The following ATP7B variants were observed in gnomAD, a reference collection of about 807,000 sequenced individuals.
The protein encoded by ATP7B is copper-transporting ATPase 2.
In ATP7B, 113 loss-of-function variants were observed where a neutral mutation model predicts 118.9. The observed-to-expected ratio is 0.95, with a 90% CI of 0.82 to 1.11. The LOEUF (loss-of-function observed/expected upper bound fraction) is 1.11, where lower values mean the gene tolerates loss of function less well. Ranked by LOEUF, ATP7B falls within the 50% of genes most tolerant of loss-of-function variation. ATP7B has a pLI of 0.00. For synonymous variants in ATP7B, 777 were observed against 727.4 expected (o/e 1.07, Z -1.10); for missense variants, 1,867 against 1,871.4 (o/e 1.00, Z 0.04).
At chr13:51,960,593 G>A (rs1006023185) in intron 6 of ATP7B, among the ~76,000 whole-genome samples, 2 of 152,146 alleles carry the variant, frequency 1.3e-5, no homozygotes, top group Non-Finnish European at 2.9e-5. Flanking sequence ...TCCAATTTAC[G>A]GGTGAGGCAA....
intron 1 of ATP7B, among the ~76,000 whole-genome samples, chr13:51,977,772 T>A (rs1454713807): frequency 6.6e-6 from 1 of 152,198 alleles, no homozygotes; most frequent in Non-Finnish European, 1.5e-5. Flanking sequence ...ACATGAGTAA[T>A]GCATTACTAT....
chr13:51,943,463 C>T (rs896857377), intron 14 of ATP7B, among the ~76,000 whole-genome samples: 6 of 152,288 alleles, frequency 3.9e-5, no homozygotes, highest in African/African-American at 1.2e-4. Flanking sequence ...TTTTTCAAGG[C>T]AATGATGTCA....
intron 1 of ATP7B, among the ~76,000 whole-genome samples, chr13:51,993,993 C>T (rs969078265): frequency 2.6e-5 from 4 of 152,088 alleles, no homozygotes; most frequent in East Asian, 1.9e-4. Flanking sequence ...CACCAGCACA[C>T]GTCATATCTC....
chr13:51,994,144 T>C (rs1446990483), intron 1 of ATP7B, among the ~76,000 whole-genome samples: 1 of 152,228 alleles, frequency 6.6e-6, no homozygotes, highest in Non-Finnish European at 1.5e-5. Context: ...CACCGTATAT[T>C]GTATAAACCG....
chr13:51,942,073 C>T (rs995389490), intron 15 of ATP7B, among the ~76,000 whole-genome samples: 1 of 152,120 alleles, frequency 6.6e-6, no homozygotes, highest in Non-Finnish European at 1.5e-5. Context: ...ACAGGAAGAA[C>T]GAAAGTGGAA....
intron 1 of ATP7B, among the ~76,000 whole-genome samples, chr13:51,979,327 G>C (rs1262126243): frequency 6.6e-6 from 1 of 152,166 alleles, no homozygotes; most frequent in Non-Finnish European, 1.5e-5. Flanking sequence ...ATGGATGCTT[G>C]TATAGGCATG....
chr13:51,966,672 C>T (rs1951563475), intron 4 of ATP7B: 4 of 1,256,398 alleles, frequency 3.2e-6, no homozygotes, highest in East Asian at 2.5e-5. Context: ...AAAAAAAGAA[C>T]ACTACAGACA....
chr13:51,940,105 C>T (rs571622870), intron 16 of ATP7B, among the ~76,000 whole-genome samples: 18 of 144,852 alleles, frequency 1.2e-4, no homozygotes, highest in Non-Finnish European at 1.5e-4. Context: ...CTCCAACTCC[C>T]GGGTTCAAGC....
At chr13:51,964,154 C>A (rs1958941697) in intron 5 of ATP7B, among the ~76,000 whole-genome samples, 1 of 151,658 alleles carries the variant, frequency 6.6e-6, no homozygotes, top group Non-Finnish European at 1.5e-5. Flanking sequence ...AGAGGAAATT[C>A]AGGATACTAC....
chr13:51,937,498 G>A lies in ATP7B; in HGVS notation c.3881C>T (p.Ala1294Val), dbSNP rs1290871433. Reference protein sequence around the residue: ...IGTGTDVAIEAADVVLIRNDL... With the variant: ...IGTGTDVAIEVADVVLIRNDL... ...CACTCTGATAAGGACGACGTCGGCT[G>A]CCTCGATGGCCACATCCGTGCCGGT... Residue 1294 changes from alanine (A) to valine (V), a missense_variant, in exon 18 of 21, where the codon GCA becomes GTA. Ala to Val is a moderately conservative substitution (Grantham distance 64). Transcript: ENST00000242839. The A allele has an allele frequency of 6.2e-7, 1 of 1,614,060 alleles. No homozygotes were observed. Among genetic ancestry groups the A allele is most frequent in the Admixed American group, 1.7e-5 (1 of 60,026 alleles).
At chr13:51,959,761 G>C (rs1411336224) in intron 7 of ATP7B, 4 of 275,964 alleles carry the variant, frequency 1.4e-5, no homozygotes, top group Non-Finnish European at 2.1e-5. Context: ...ACACTCAAGA[G>C]TGGCATGGGC....
At position 51,943,991 on chromosome 13, in the gene ATP7B, T is replaced by C. The variant is rs1256554813; in HGVS notation, c.3243+118A>G. On this transcript the variant is annotated intron_variant, in intron 14 of 20. Transcript: ENST00000242839. Reference sequence around the variant, plus strand: ...CTCCGCCTGCTGCAGAAGGGCCCTCTAAGTGGTTTTCCAGACCACACAGAG... The same window carrying C: ...CTCCGCCTGCTGCAGAAGGGCCCTCCAAGTGGTTTTCCAGACCACACAGAG... 4.5e-6 allele frequency: 6 copies of C among 1,328,262 alleles called. No homozygotes were observed. The African/African-American group carries it at 8.7e-5, about 19-fold the overall frequency. The allele number at this position is 1,328,262 out of a possible 1,614,324, so 82.3% of individuals were successfully genotyped here. A position where few individuals can be genotyped will look rare whatever the true frequency, so the allele number is the denominator to read the frequency against.
intron 2 of ATP7B, 100 bp downstream of exon 2, chr13:51,973,835 G>A (rs1383439985): frequency 6.5e-7 from 1 of 1,544,424 alleles, no homozygotes; most frequent in African/African-American, 1.4e-5. Flanking sequence ...GTTGACATGG[G>A]AGGCAGGGAG....
chr13:51,950,101 G>A lies in ATP7B; in HGVS notation c.2636C>T (p.Ala879Val). 1 of 1,614,222 alleles carries A rather than the reference G, an allele frequency of 6.2e-7. No homozygotes were observed. The highest frequency in any genetic ancestry group is 1.6e-4 in the Middle Eastern group (1 of 6,062). The part of the protein sequence containing the change: ...GSTVIAGSIN[A>V]HGSVLIKATH... ...AGCTTTAATGAGCACAGAGCCATGT[G>A]CATTTATAGACCCCGCAATTACAGT... Residue 879 changes from alanine (A) to valine (V), a missense_variant, in exon 11 of 21, where the codon GCA becomes GTA. Physicochemically the swap from Ala to Val is moderately conservative, Grantham distance 64. Coordinates refer to ENST00000242839, the MANE Select transcript of ATP7B (RefSeq NM_000053.4).
At chr13:51,957,179 T>G (rs1958403225) in intron 9 of ATP7B, among the ~76,000 whole-genome samples, 1 of 152,230 alleles carries the variant, frequency 6.6e-6, no homozygotes. Flanking sequence ...TCTCTCTGCC[T>G]GTCTGAATGT....
intron 11 of ATP7B, 98 bp downstream of exon 11, chr13:51,949,909 T>C: frequency 6.2e-7 from 1 of 1,609,174 alleles, no homozygotes; most frequent in Non-Finnish European, 8.5e-7. Flanking sequence ...CATTTACTAA[T>C]CAATCTCTAC....
intron 9 of ATP7B, among the ~76,000 whole-genome samples, chr13:51,956,536 G>A (rs929002873): frequency 2.0e-5 from 3 of 152,288 alleles, no homozygotes; most frequent in Admixed American, 1.3e-4. Context: ...AGGCATTGGA[G>A]GAGACGCCTC....
chr13:51,972,884 T>C (rs1951909390), intron 2 of ATP7B, among the ~76,000 whole-genome samples: 3 of 152,242 alleles, frequency 2.0e-5, no homozygotes, highest in African/African-American at 7.2e-5. Flanking sequence ...TGCACACCTG[T>C]AGTCCCAGCT....
chr13:52,011,458 G>A (rs1954034192), upstream of ATP7B: 1 of 1,278,446 alleles, frequency 7.8e-7, no homozygotes, highest in Non-Finnish European at 1.1e-6. Context: ...GAGGGCATCG[G>A]CGCGGCTCGG....
Sources: allele counts gnomAD v4.1 joint callset (sites outside exome capture counted in the v4.1 genomes callset), GRCh38; gene constraint gnomAD v4.1.1; transcripts MANE v1.5; gene names NCBI Gene and HGNC (gene_info 2026-07-23, HGNC 2026-07-21).